The following KAT7 variants were observed in gnomAD, a reference collection of about 807,000 sequenced individuals.
KAT7 encodes the protein lysine acetyltransferase 7.
A neutral mutation model predicts 82.1 loss-of-function variants in KAT7; 10 were observed. The observed-to-expected ratio is 0.12, with a 90% CI of 0.08 to 0.21. KAT7 has a LOEUF of 0.21. Among genes scored for constraint, KAT7 ranks in the 10% least tolerant of loss-of-function variants. The pLI is 1.00. For synonymous variants in KAT7, 250 were observed against 262.5 expected (o/e 0.95, Z 0.46); for missense variants, 378 against 760.9 (o/e 0.50, Z 5.92).
rs574989713 is a variant in KAT7 at position 49,829,112 on chromosome 17, G to A, written c.*1610G>A. The A allele has an allele frequency of 2.6e-5, 4 of 152,548 alleles. No homozygotes were observed. Among genetic ancestry groups the A allele is most frequent in the Admixed American group, 2.0e-4 (3 of 15,286 alleles). The allele number at this position is 152,548 out of a possible 1,614,324, so 9.4% of individuals were successfully genotyped here. ...CTCTGCTCAAGTCTGTTTCATCTGG[G>A]GGCTCTCATTTATATATGAAAATGA... On this transcript the variant is annotated 3_prime_UTR_variant, in exon 15 of 15. Coordinates refer to ENST00000259021, the MANE Select transcript of KAT7 (RefSeq NM_007067.5).
chr17:49,817,778 TA>T, intron 8 of KAT7, 41 bp from the exon 9 acceptor site: 1 of 1,543,782 alleles, frequency 6.5e-7, no homozygotes, highest in African/African-American at 1.4e-5. Flanking sequence ...GCAAAGATAA[TA>T]AATTCTGATC....
chr17:49,793,149 A>T (rs941333524), intron 2 of KAT7, among the ~76,000 whole-genome samples: 3 of 152,190 alleles, frequency 2.0e-5, no homozygotes, highest in African/African-American at 7.2e-5. Flanking sequence ...CTTTCAACTT[A>T]TGATAGTTTT....
rs375294770 is a variant in KAT7 at position 49,826,811 on chromosome 17, A to T, written c.1734+12A>T. 1.3e-6 allele frequency: 2 copies of T among 1,536,018 alleles called. No individual in the cohort carries two copies. Among genetic ancestry groups the T allele is most frequent in the Non-Finnish European group, 1.8e-6 (2 of 1,109,840 alleles). ...TTTTAAAGAGACAGGTAAGGTTCTC[A>T]TCAGGGGCTTGCTCATTGCTGGATG... On this transcript the variant is annotated intron_variant, in intron 14 of 14. Transcript: ENST00000259021.
intron 11 of KAT7, among the ~76,000 whole-genome samples, 184 bp downstream of exon 11, chr17:49,821,974 T>G (rs1159567791): frequency 6.6e-6 from 1 of 152,060 alleles, no homozygotes; most frequent in Non-Finnish European, 1.5e-5. Flanking sequence ...AAAATGCAGT[T>G]TTTATTAAAA....
At chr17:49,795,097 G>A (rs2073939223) in intron 2 of KAT7, among the ~76,000 whole-genome samples, 1 of 149,610 alleles carries the variant, frequency 6.7e-6, no homozygotes. Flanking sequence ...CCCGCCCTCT[G>A]AAAAAAAAAT....
At chr17:49,815,077 A>G (rs2074217692) in intron 7 of KAT7, 2 of 152,202 alleles carry the variant, frequency 1.3e-5, no homozygotes, top group African/African-American at 4.8e-5. Context: ...CTGCCATGGT[A>G]AGATTAGGGA....
chr17:49,814,522 A>G (rs1334668173), intron 7 of KAT7, among the ~76,000 whole-genome samples: 2 of 152,200 alleles, frequency 1.3e-5, no homozygotes, highest in Non-Finnish European at 2.9e-5. Flanking sequence ...TATTTCCCAT[A>G]TTTTATATAC....
rs2074447971 is a variant in KAT7, at chr17:49,834,511, C to G, written c.*7009C>G. ...AGAATTCATGTGGCTTCTCATTGCTCAATGGATTAAGTTCATGTTTATCCT... is the reference window on the plus strand; with the variant it reads ...AGAATTCATGTGGCTTCTCATTGCTGAATGGATTAAGTTCATGTTTATCCT... On this transcript the variant is annotated 3_prime_UTR_variant, in exon 15 of 15. Coordinates refer to ENST00000259021, the MANE Select transcript of KAT7 (RefSeq NM_007067.5). 6.6e-6 allele frequency: 1 copy of G among 152,262 alleles called. No individual in the cohort carries two copies. Among genetic ancestry groups the G allele is most frequent in the Non-Finnish European group, 1.5e-5 (1 of 68,066 alleles). 9.4% of individuals were successfully genotyped at this position (152,262 alleles called of 1,614,324 possible). A position where few individuals can be genotyped will look rare whatever the true frequency, so the allele number is the denominator to read the frequency against.
intron 2 of KAT7, among the ~76,000 whole-genome samples, chr17:49,792,475 G>A (rs1389182015): frequency 2.0e-5 from 3 of 151,992 alleles, no homozygotes; most frequent in Non-Finnish European, 4.4e-5. Context: ...AAAACAATAT[G>A]CATTCAGTGG....
chr17:49,822,834 G>C (rs2074322676), intron 11 of KAT7, among the ~76,000 whole-genome samples: 1 of 152,032 alleles, frequency 6.6e-6, no homozygotes, highest in Admixed American at 6.6e-5. Context: ...GCAGAATGGG[G>C]ACTTACAGTG....
rs191984414 is a variant in KAT7 at position 49,821,233 on chromosome 17, G to A, written c.1156-104G>A. On this transcript the variant is annotated intron_variant, in intron 9 of 14. Transcript: ENST00000259021. The stretch of plus-strand genomic sequence containing the variant: ...ATGTTCTCAGCTTGTCCAACTGTCC[G>A]GTAGCTCAGTTAACCACATTTGACC... 199 of 753,454 alleles carry A rather than the reference G, an allele frequency of 2.6e-4. 1 individual carries two copies. The highest frequency in any genetic ancestry group is 9.5e-4 in the Middle Eastern group (4 of 4,202). 46.7% of individuals were successfully genotyped at this position (753,454 alleles called of 1,614,324 possible). A position where few individuals can be genotyped will look rare whatever the true frequency, so the allele number is the denominator to read the frequency against.
rs529091062 is a variant in KAT7 at position 49,821,612 on chromosome 17, C to T, written c.1246-38C>T. 22 of 1,610,728 alleles carry T rather than the reference C, an allele frequency of 1.4e-5. No homozygotes were observed. In the South Asian group the frequency reaches 2.2e-4, roughly 16 times the overall value. ...TTTAGGCCTTTATCTGTTTAGGAAT[C>T]AGTGGCCCACACATGAACTCTGTTT... On this transcript the variant is annotated intron_variant, in intron 10 of 14. Coordinates refer to ENST00000259021, the MANE Select transcript of KAT7 (RefSeq NM_007067.5).
intron 5 of KAT7, 121 bp downstream of exon 5, chr17:49,805,566 G>T (rs2074081022): frequency 1.8e-6 from 1 of 562,188 alleles, no homozygotes; most frequent in Non-Finnish European, 3.1e-6. Context: ...TTCTTACATT[G>T]TAGTGGAGGA....
chr17:49,794,670 T>C (rs1176590130), intron 2 of KAT7, among the ~76,000 whole-genome samples: 1 of 152,270 alleles, frequency 6.6e-6, no homozygotes, highest in Non-Finnish European at 1.5e-5. Flanking sequence ...TGGAACAGCA[T>C]ATGCTAAGGA....
In KAT7 at chr17:49,798,477, T is replaced by C; in HGVS notation, c.499T>C (p.Ser167Pro). The change falls in exon 4 of 15, where the codon TCT (serine) becomes CCT (proline). Residue 167 changes from serine (S) to proline (P), a missense_variant. Around this residue, in one of 6 missense-constraint regions of KAT7, gnomAD observed 161 missense variants for 229.6 expected, o/e 0.70. Coordinates refer to ENST00000259021, the MANE Select transcript of KAT7 (RefSeq NM_007067.5). ...CCTGAAGGACTCAGGCAGTGATCTC[T>C]CTCATCGCCCCAAGCGCCGTCGCTT... The part of the protein sequence containing the change: ...MSLKDSGSDL[S>P]HRPKRRRFHE... 1 of 1,614,210 alleles carries C rather than the reference T, an allele frequency of 6.2e-7. No homozygotes were observed. The highest frequency in any genetic ancestry group is 2.2e-5 in the East Asian group (1 of 44,888).
At chr17:49,815,016 AG>A (rs1342865299) in intron 7 of KAT7, 2 of 152,244 alleles carry the variant, frequency 1.3e-5, no homozygotes, top group Admixed American at 6.5e-5. Flanking sequence ...AAGGCTTAAA[AG>A]GGAAGTTTCC....
Position 49,788,786 on chromosome 17 carries a change from T to C in KAT7, c.-49T>C. 6.4e-7 allele frequency: 1 copy of C among 1,560,796 alleles called. No homozygotes were observed. The highest frequency in any genetic ancestry group is 8.7e-7 in the Non-Finnish European group (1 of 1,153,002). ...AGCCCGCCGGAGCCACCGTTCCTGC[T>C]GCTGCCGCCGCTGCCCGAATCGGAA... On this transcript the variant is annotated 5_prime_UTR_variant, in exon 1 of 15. Coordinates refer to ENST00000259021, the MANE Select transcript of KAT7 (RefSeq NM_007067.5).
At chr17:49,822,556 A>C (rs2074318216) in intron 11 of KAT7, among the ~76,000 whole-genome samples, 3 of 152,176 alleles carry the variant, frequency 2.0e-5, no homozygotes, top group African/African-American at 2.4e-5. Flanking sequence ...TATGACTTTT[A>C]GTATAACAAC....
intron 14 of KAT7, 56 bp downstream of exon 14, chr17:49,826,855 A>T: frequency 1.7e-6 from 2 of 1,162,048 alleles, no homozygotes; most frequent in Non-Finnish European, 2.6e-6. Flanking sequence ...GACTTAGCAG[A>T]GCAAAGTATG....
Sources: gnomAD v4.1 joint callset for allele counts (sites outside exome capture counted in the v4.1 genomes callset) on GRCh38, gnomAD v4.1.1 for gene constraint, gnomAD v4.1.1 regional missense constraint, MANE v1.5 for transcripts, NCBI Gene and HGNC (gene_info 2026-07-23, HGNC 2026-07-21) for gene names.